USP34: variants seen among roughly 807,000 people sequenced by gnomAD.
The protein encoded by USP34 is ubiquitin specific peptidase 34.
Under a neutral mutation model 460.3 loss-of-function variants are expected in USP34, and 70 were observed. The ratio of observed to expected loss-of-function variants is 0.15; its 90% confidence interval spans 0.13 to 0.19. USP34 has a LOEUF of 0.19. Among genes scored for constraint, USP34 ranks in the 10% least tolerant of loss-of-function variants. USP34 has a pLI of 1.00. For missense variants in USP34, 3,985 were observed against 4,236.2 expected, an observed-to-expected ratio of 0.94 and a Z score of 1.65; for synonymous variants, 1,647 against 1,405.3, an observed-to-expected ratio of 1.17 and a Z score of -3.85.
intron 1 of USP34, among the ~76,000 whole-genome samples, chr2:61,469,864 A>T (rs1695895562): frequency 6.6e-6 from 1 of 152,222 alleles, no homozygotes; most frequent in Non-Finnish European, 1.5e-5. Flanking sequence ...GGTCGAGAAT[A>T]AAATAAAAAG....
chr2:61,235,081 A>G (rs1222774161), intron 57 of USP34, among the ~76,000 whole-genome samples: 1 of 152,182 alleles, frequency 6.6e-6, no homozygotes, highest in East Asian at 1.9e-4. Flanking sequence ...CTAAGGGAGG[A>G]GATCTTGTGT....
chr2:61,456,206 A>G (rs1695433665), intron 1 of USP34, among the ~76,000 whole-genome samples: 1 of 152,258 alleles, frequency 6.6e-6, no homozygotes, highest in South Asian at 2.1e-4. Flanking sequence ...CTTACTGCCC[A>G]GAAGCAATTT....
At chr2:61,260,985 C>T (rs1019824597) in intron 43 of USP34, among the ~76,000 whole-genome samples, 4 of 152,164 alleles carry the variant, frequency 2.6e-5, no homozygotes, top group Admixed American at 6.5e-5. Context: ...GTGTTCACAT[C>T]CATTAGGATG....
At chr2:61,441,833 GAA>G (rs1323788218) in intron 1 of USP34, among the ~76,000 whole-genome samples, 8 of 106,642 alleles carry the variant, frequency 7.5e-5, no homozygotes, top group African/African-American at 2.7e-4. Flanking sequence ...GAAAAGAAAA[GAA>G]AAAAAAAAAA....
At chr2:61,433,392 G>C (rs904813448) in intron 1 of USP34, among the ~76,000 whole-genome samples, 2 of 152,190 alleles carry the variant, frequency 1.3e-5, no homozygotes, top group Admixed American at 6.5e-5. Flanking sequence ...CCAGCACTTT[G>C]AGGAGCTGAG....
intron 5 of USP34, among the ~76,000 whole-genome samples, chr2:61,391,982 T>C (rs1044632948): frequency 2.0e-5 from 3 of 152,194 alleles, no homozygotes; most frequent in African/African-American, 7.2e-5. Flanking sequence ...TTAAATAGTA[T>C]AATTTTGCTT....
At chr2:61,290,603 G>C (rs1421694823) in intron 33 of USP34, among the ~76,000 whole-genome samples, 1 of 152,074 alleles carries the variant, frequency 6.6e-6, no homozygotes, top group African/African-American at 2.4e-5. Flanking sequence ...TTTATAAAAT[G>C]AAAATCTCAT....
At chr2:61,266,766 G>A (rs1236393481) in intron 41 of USP34, among the ~76,000 whole-genome samples, 3 of 152,116 alleles carry the variant, frequency 2.0e-5, no homozygotes, top group African/African-American at 7.2e-5. Flanking sequence ...GGAGTACTGT[G>A]CAGAAAAGAG....
chr2:61,405,214 C>G (rs1027050318), intron 3 of USP34, among the ~76,000 whole-genome samples: 10 of 100,248 alleles, frequency 1.0e-4, no homozygotes, highest in African/African-American at 3.2e-4. Flanking sequence ...GCCTGGGCAA[C>G]AGAGAGAGAC....
intron 19 of USP34, among the ~76,000 whole-genome samples, chr2:61,332,196 C>T (rs1209665772): frequency 1.3e-5 from 2 of 152,002 alleles, no homozygotes; most frequent in Non-Finnish European, 2.9e-5. Flanking sequence ...TTAGAAGAAT[C>T]AAGGGTAAGT....
At chr2:61,356,835 A>C (rs930692770) in intron 10 of USP34, among the ~76,000 whole-genome samples, 1 of 152,216 alleles carries the variant, frequency 6.6e-6, no homozygotes, top group East Asian at 1.9e-4. Flanking sequence ...CTACACACTT[A>C]AAAATGATTA....
At chr2:61,324,210 T>C (rs1241024889) in intron 21 of USP34, among the ~76,000 whole-genome samples, 3 of 152,132 alleles carry the variant, frequency 2.0e-5, no homozygotes, top group Non-Finnish European at 4.4e-5. Context: ...CTAACAGAAA[T>C]CAAGCTCGTT....
chr2:61,262,220 G>A (rs1241301997), intron 43 of USP34, among the ~76,000 whole-genome samples: 1 of 149,694 alleles, frequency 6.7e-6, no homozygotes, highest in East Asian at 1.9e-4. Context: ...TTAGGTTCAG[G>A]GGTACATATG....
At chr2:61,351,544 C>G (rs1227141303) in intron 10 of USP34, among the ~76,000 whole-genome samples, 1 of 151,968 alleles carries the variant, frequency 6.6e-6, no homozygotes, top group African/African-American at 2.4e-5. Context: ...ACAAGTAATT[C>G]CCAATTTGAG....
chr2:61,428,871 T>G (rs139913598), intron 1 of USP34, among the ~76,000 whole-genome samples: 102 of 152,162 alleles, frequency 6.7e-4, no homozygotes, highest in African/African-American at 2.4e-3. Flanking sequence ...CCAACAGAGA[T>G]ATCAATGGCT....
chr2:61,449,276 A>G (rs1695204264), intron 1 of USP34, among the ~76,000 whole-genome samples: 1 of 152,038 alleles, frequency 6.6e-6, no homozygotes, highest in Admixed American at 6.6e-5. Context: ...AAAAAGTAGG[A>G]AACTACAAAA....
At chr2:61,413,547 A>C (rs1191370272) in intron 2 of USP34, among the ~76,000 whole-genome samples, 1 of 138,746 alleles carries the variant, frequency 7.2e-6, no homozygotes, top group African/African-American at 2.8e-5. Context: ...TCTCTACTAG[A>C]TACTCAGGAG....
At chr2:61,418,167 C>T (rs1280953866) in intron 2 of USP34, among the ~76,000 whole-genome samples, 1 of 151,892 alleles carries the variant, frequency 6.6e-6, no homozygotes, top group African/African-American at 2.4e-5. Context: ...GCAACCTCCG[C>T]CTCCCAGGTT....
At chr2:61,334,556 T>C (rs1691361206) in intron 18 of USP34, among the ~76,000 whole-genome samples, 1 of 152,188 alleles carries the variant, frequency 6.6e-6, no homozygotes, top group Non-Finnish European at 1.5e-5. Flanking sequence ...AGAACTAAAC[T>C]TATTTTAATC....
Sources: allele counts gnomAD v4.1 joint callset (sites outside exome capture counted in the v4.1 genomes callset), GRCh38; gene constraint gnomAD v4.1.1; transcripts MANE v1.5; gene names NCBI Gene and HGNC (gene_info 2026-07-23, HGNC 2026-07-21).